The following UNC5B variants were observed in gnomAD, a reference collection of about 807,000 sequenced individuals.
UNC5B encodes the protein unc-5 netrin receptor B.
Under a neutral mutation model 103.7 loss-of-function variants are expected in UNC5B, and 56 were observed. The observed-to-expected ratio is 0.54, with a 90% CI of 0.44 to 0.67. UNC5B has a LOEUF of 0.67. UNC5B is among the 30% of genes least tolerant of loss of function. The pLI is 0.00. For synonymous variants in UNC5B, 577 were observed against 542.0 expected (o/e 1.06, Z -0.90); for missense variants, 1,194 against 1,284.5 (o/e 0.93, Z 1.08).
intron 1 of UNC5B, among the ~76,000 whole-genome samples, chr10:71,227,026 CCAGGCTGGAGTT>C (rs1175549271): frequency 6.6e-6 from 1 of 150,402 alleles, no homozygotes; most frequent in Non-Finnish European, 1.5e-5. Flanking sequence ...GCTCTGTTGC[CCAGGCTGGAGTT>C]CAATGGCACA....
At chr10:71,234,081 A>G (rs1843730564) in intron 1 of UNC5B, among the ~76,000 whole-genome samples, 1 of 152,220 alleles carries the variant, frequency 6.6e-6, no homozygotes, top group Admixed American at 6.5e-5. Flanking sequence ...CGGTTAGGTC[A>G]AGTGTGAAGT....
At chr10:71,263,346 A>G (rs953374347) in intron 1 of UNC5B, among the ~76,000 whole-genome samples, 1 of 152,188 alleles carries the variant, frequency 6.6e-6, no homozygotes, top group Non-Finnish European at 1.5e-5. Flanking sequence ...TCCCTCCCCA[A>G]GCCTGAGGTT....
intron 1 of UNC5B, among the ~76,000 whole-genome samples, chr10:71,224,682 C>T (rs1485641927): frequency 6.6e-6 from 1 of 152,094 alleles, no homozygotes; most frequent in East Asian, 1.9e-4. Flanking sequence ...AAACTGGGCC[C>T]CCAATTGGTT....
chr10:71,281,488 G>A (rs554372899), intron 2 of UNC5B, among the ~76,000 whole-genome samples: 65 of 152,126 alleles, frequency 4.3e-4, no homozygotes, highest in Admixed American at 2.0e-3. Context: ...CTACAGGCGC[G>A]TGCCACCATG....
intron 11 of UNC5B, among the ~76,000 whole-genome samples, 172 bp from the exon 12 acceptor site, chr10:71,293,233 A>G (rs1845312025): frequency 6.6e-6 from 1 of 152,212 alleles, no homozygotes; most frequent in African/African-American, 2.4e-5. Flanking sequence ...CTCAAGGTTC[A>G]TGCCATTTTC....
intron 5 of UNC5B, 65 bp downstream of exon 5, chr10:71,286,934 A>AG (rs1471768947): frequency 3.2e-6 from 5 of 1,575,412 alleles, no homozygotes; most frequent in Middle Eastern, 1.7e-4. Context: ...GCCTGGGGGT[A>AG]GGGGGGACCC....
chr10:71,226,419 C>T (rs1379052286), intron 1 of UNC5B, among the ~76,000 whole-genome samples: 1 of 152,226 alleles, frequency 6.6e-6, no homozygotes, highest in Non-Finnish European at 1.5e-5. Context: ...TAACACCACC[C>T]ATGTATCATT....
chr10:71,221,447 A>G (rs10999732), intron 1 of UNC5B, among the ~76,000 whole-genome samples: 16,032 of 152,184 alleles, frequency 0.11, 1,087 homozygotes, highest in Non-Finnish European at 0.14. Flanking sequence ...GGGGAGGCCA[A>G]TCTTGGGGGT....
intron 1 of UNC5B, among the ~76,000 whole-genome samples, chr10:71,248,121 C>G (rs60859155): frequency 6.6e-6 from 1 of 152,148 alleles, no homozygotes; most frequent in Non-Finnish European, 1.5e-5. Context: ...ATACTGGTTT[C>G]ACCCTGGGAA....
chr10:71,290,473 A>G (rs896156148), intron 8 of UNC5B, among the ~76,000 whole-genome samples: 45 of 152,300 alleles, frequency 3.0e-4, no homozygotes, highest in African/African-American at 1.1e-3. Flanking sequence ...AGCTACTTAC[A>G]AAGATAACAG....
intron 1 of UNC5B, among the ~76,000 whole-genome samples, chr10:71,277,700 A>G (rs1821614523): frequency 6.6e-6 from 1 of 152,160 alleles, no homozygotes; most frequent in African/African-American, 2.4e-5. Context: ...GTATCCCTGT[A>G]CCTGGCAGTG....
chr10:71,278,258 A>G (rs191586917), intron 1 of UNC5B, among the ~76,000 whole-genome samples: 5 of 152,312 alleles, frequency 3.3e-5, no homozygotes, highest in Admixed American at 3.3e-4. Context: ...ACATGTACGT[A>G]CCTACTGTGT....
At chr10:71,263,432 G>A (rs201951790) in intron 1 of UNC5B, among the ~76,000 whole-genome samples, 2 of 152,282 alleles carry the variant, frequency 1.3e-5, no homozygotes, top group East Asian at 1.9e-4. Context: ...GCCAGGGCAC[G>A]GGGGAGGGGG....
At chr10:71,276,460 G>A (rs900728786) in intron 1 of UNC5B, among the ~76,000 whole-genome samples, 6 of 152,210 alleles carry the variant, frequency 3.9e-5, no homozygotes, top group African/African-American at 1.4e-4. Context: ...TGGAAACAGA[G>A]TCTCACTTTG....
intron 13 of UNC5B, 49 bp downstream of exon 13, chr10:71,293,982 G>T: frequency 6.7e-7 from 1 of 1,489,734 alleles, no homozygotes; most frequent in East Asian, 2.4e-5. Flanking sequence ...CCAGCTGCAT[G>T]ATCCCTGCCA....
intron 1 of UNC5B, among the ~76,000 whole-genome samples, chr10:71,258,238 T>TA (rs1162807251): frequency 6.6e-6 from 1 of 152,204 alleles, no homozygotes; most frequent in African/African-American, 2.4e-5. Flanking sequence ...CCTCACTCTC[T>TA]AGTGCCACAT....
At chr10:71,243,003 C>T (rs1589160655) in intron 1 of UNC5B, among the ~76,000 whole-genome samples, 1 of 152,098 alleles carries the variant, frequency 6.6e-6, no homozygotes, top group African/African-American at 2.4e-5. Context: ...GAGGCTGAAG[C>T]GGGCGGATCA....
chr10:71,292,326 G>C, intron 10 of UNC5B, 141 bp from the exon 11 acceptor site: 1 of 704,420 alleles, frequency 1.4e-6, no homozygotes. Context: ...CCAGTCCCCA[G>C]ACCCTGTCTC....
At chr10:71,260,064 G>A (rs144628469) in intron 1 of UNC5B, among the ~76,000 whole-genome samples, 53 of 152,310 alleles carry the variant, frequency 3.5e-4, no homozygotes, top group African/African-American at 1.2e-3. Context: ...AGAGAGGTAG[G>A]GGGGGCATGA....
Sources: allele counts gnomAD v4.1 joint callset (sites outside exome capture counted in the v4.1 genomes callset), GRCh38; gene constraint gnomAD v4.1.1; transcripts MANE v1.5; gene names NCBI Gene and HGNC (gene_info 2026-07-23, HGNC 2026-07-21).